Variants in KAT14 observed in about 807,000 individuals in gnomAD.
The protein encoded by KAT14 is lysine acetyltransferase 14, also known as cysteine-rich protein 2-binding protein.
Under a neutral mutation model 78.4 loss-of-function variants are expected in KAT14, and 66 were observed. The observed-to-expected ratio is 0.84, with a 90% CI of 0.69 to 1.03. The LOEUF (loss-of-function observed/expected upper bound fraction) is 1.03, where lower values mean the gene tolerates loss of function less well. Ranked by LOEUF, KAT14 falls within the 50% of genes least tolerant of loss-of-function variation. The probability of loss-of-function intolerance (pLI) is 0.00; values close to 1 mark genes in which losing one functional copy is unlikely to be tolerated. For synonymous variants in KAT14, 344 were observed against 359.4 expected (o/e 0.96, Z 0.48); for missense variants, 870 against 972.5 (o/e 0.89, Z 1.40).
In KAT14 at chr20:18,145,471, G is replaced by A. The variant is rs143903386; in HGVS notation, c.378+120G>A. 3.3e-3 allele frequency: 4,537 copies of A among 1,391,470 alleles called. 126 individuals carry two copies. The South Asian group carries it at 0.051, about 16-fold the overall frequency. The allele number at this position is 1,391,470 out of a possible 1,614,324, so 86.2% of individuals were successfully genotyped here. On this transcript the variant is annotated intron_variant, in intron 3 of 10. Transcript: ENST00000688188. ...TGTTTGGAGGGGCACTTTTTATTTC[G>A]CAATGAAATTAGATACCGAATATGT...
intron 7 of KAT14, among the ~76,000 whole-genome samples, chr20:18,171,978 G>T (rs74589621): frequency 0.01 from 1,580 of 152,292 alleles, 26 homozygotes; most frequent in African/African-American, 0.036. Context: ...CCAATAAAAT[G>T]ATTGACTCAC....
At chr20:18,144,427 C>T (rs558422103) in intron 2 of KAT14, among the ~76,000 whole-genome samples, 2 of 152,300 alleles carry the variant, frequency 1.3e-5, no homozygotes, top group East Asian at 3.9e-4. Context: ...ACAAACAATT[C>T]TTATCCTTAG....
intron 2 of KAT14, among the ~76,000 whole-genome samples, chr20:18,143,980 C>T (rs2037716688): frequency 6.6e-6 from 1 of 152,208 alleles, no homozygotes; most frequent in Admixed American, 6.5e-5. Flanking sequence ...AGGAGTATGG[C>T]TTGCCAGCCA....
rs202185782 is a variant in KAT14 at position 18,162,893 on chromosome 20, A to G, written c.1616A>G (p.Gln539Arg). The G allele has an allele frequency of 2.5e-5, 40 of 1,614,230 alleles. No homozygotes were observed. The East Asian group carries it at 8.9e-4, about 36-fold the overall frequency. ...EGGISRLPAG[Q>R]ATYRTTCQDF... ...GGAATTTCCAGACTTCCAGCTGGACAAGCCACGTACAGAACCACCTGTCAG... is the reference window on the plus strand; with the variant it reads ...GGAATTTCCAGACTTCCAGCTGGACGAGCCACGTACAGAACCACCTGTCAG... Residue 539 changes from glutamine (Q) to arginine (R), a missense_variant, in exon 7 of 11, where the codon CAA becomes CGA. Coordinates refer to ENST00000688188, the MANE Select transcript of KAT14 (RefSeq NM_001392073.1).
intron 2 of KAT14, among the ~76,000 whole-genome samples, chr20:18,144,838 C>G (rs971644956): frequency 6.6e-6 from 1 of 152,184 alleles, no homozygotes; most frequent in Admixed American, 6.5e-5. Flanking sequence ...CCTGTGAGAT[C>G]AGGCACCATT....
chr20:18,173,987 A>G (rs890403400), intron 7 of KAT14, among the ~76,000 whole-genome samples: 1 of 151,922 alleles, frequency 6.6e-6, no homozygotes, highest in East Asian at 1.9e-4. Context: ...ACTACCCAAA[A>G]CTCCCTATTC....
At chr20:18,137,613 T>C, upstream of KAT14, among the ~76,000 whole-genome samples, 1 of 152,166 alleles carries the variant, frequency 6.6e-6, no homozygotes, top group East Asian at 1.9e-4. Context: ...AGGTTGGTAC[T>C]GAACTGACTG....
intron 7 of KAT14, among the ~76,000 whole-genome samples, chr20:18,164,196 G>T (rs1384448635): frequency 1.3e-5 from 2 of 152,050 alleles, no homozygotes; most frequent in African/African-American, 2.4e-5. Flanking sequence ...GTATTAACTG[G>T]CCTGCCTACC....
Position 18,162,134 on chromosome 20 carries a change from G to A in KAT14, c.994G>A (p.Asp332Asn). Residue 332 changes from aspartate to asparagine, a missense_variant, in exon 6 of 11, where the codon GAT (aspartate) becomes AAT (asparagine). Transcript: ENST00000688188. The stretch of plus-strand genomic sequence containing the variant: ...AAGCCCATCTCCTTCTCCTTCTCTG[G>A]ATTTCTCTGCCCCTGGTACACCTGC... ...LTSPSPSPSL[D>N]FSAPGTPASH... 1.2e-6 allele frequency: 2 copies of A among 1,614,186 alleles called. No individual in the cohort carries two copies. The highest frequency in any genetic ancestry group is 1.7e-6 in the Non-Finnish European group (2 of 1,180,036).
chr20:18,141,041 T>TTTTTA (rs2037543546), intron 1 of KAT14, among the ~76,000 whole-genome samples: 6 of 43,606 alleles, frequency 1.4e-4, no homozygotes, highest in South Asian at 9.5e-4. Context: ...TTTTTTTTTT[T>TTTTTA]TTTTTATTTT....
rs554112747 is a variant in KAT14, at chr20:18,137,961, T to C, written c.-544T>C. On this transcript the variant is annotated 5_prime_UTR_variant, in exon 1 of 11. Transcript: ENST00000688188. ...CCGCGGCCGCCAGCGTGGGGATGTC[T>C]AGGAGCTCGAAGGTGGTGCTGGGCC... The C allele has an allele frequency of 2.3e-4, 349 of 1,491,138 alleles. No homozygotes were observed. In the African/African-American group the frequency reaches 4.6e-3, roughly 20 times the overall value. The allele number at this position is 1,491,138 out of a possible 1,614,324, so 92.4% of individuals were successfully genotyped here.
At chr20:18,164,603 CACTTGT>C (rs1312054194) in intron 7 of KAT14, among the ~76,000 whole-genome samples, 2 of 29,034 alleles carry the variant, frequency 6.9e-5, no homozygotes, top group Non-Finnish European at 6.4e-5. Flanking sequence ...GTCATCTATT[CACTTGT>C]TCTTGTTCTT....
intron 5 of KAT14, 24 bp downstream of exon 5, chr20:18,159,289 A>C (rs1259853879): frequency 6.2e-7 from 1 of 1,608,702 alleles, no homozygotes; most frequent in Non-Finnish European, 8.5e-7. Flanking sequence ...AACAGTACAA[A>C]AGTTGCTAGT....
At chr20:18,159,467 A>G (rs1001646089) in intron 5 of KAT14, among the ~76,000 whole-genome samples, 1 of 152,228 alleles carries the variant, frequency 6.6e-6, no homozygotes, top group South Asian at 2.1e-4. Flanking sequence ...TAATCAAGCT[A>G]TCAGTTTTAT....
chr20:18,161,748 T>C, intron 5 of KAT14, 75 bp from the exon 6 acceptor site: 1 of 1,529,652 alleles, frequency 6.5e-7, no homozygotes, highest in Non-Finnish European at 8.7e-7. Flanking sequence ...CGAAAACATC[T>C]GAAATCCAAA....
intron 3 of KAT14, among the ~76,000 whole-genome samples, chr20:18,147,185 A>G (rs1056991376): frequency 6.6e-6 from 1 of 152,260 alleles, no homozygotes; most frequent in Admixed American, 6.5e-5. Context: ...GTGCTTTATT[A>G]GGACAGCTGA....
At chr20:18,184,490 T>TG in intron 9 of KAT14, 112 bp from the exon 10 acceptor site, 4 of 952,922 alleles carry the variant, frequency 4.2e-6, no homozygotes, top group Non-Finnish European at 2.9e-6. Context: ...TTGGTGTTTT[T>TG]TTTTTTTTTT....
intron 10 of KAT14, among the ~76,000 whole-genome samples, chr20:18,186,541 A>G (rs1173723341): frequency 1.3e-5 from 2 of 152,244 alleles, no homozygotes; most frequent in Non-Finnish European, 2.9e-5. Context: ...CAAGGACTCT[A>G]TCAACTTCAG....
chr20:18,175,215 C>T, intron 7 of KAT14, among the ~76,000 whole-genome samples: 1 of 152,142 alleles, frequency 6.6e-6, no homozygotes, highest in Non-Finnish European at 1.5e-5. Context: ...GACCTCTCGC[C>T]CAGGTGCTGC....
Sources: gnomAD v4.1 joint callset for allele counts (sites outside exome capture counted in the v4.1 genomes callset) on GRCh38, gnomAD v4.1.1 for gene constraint, MANE v1.5 for transcripts, NCBI Gene and HGNC (gene_info 2026-07-23, HGNC 2026-07-21) for gene names.